ZNF778: variants seen among roughly 807,000 people sequenced by gnomAD.
ZNF778 encodes zinc finger protein 778.
In ZNF778, 37 loss-of-function variants were observed where a neutral mutation model predicts 23.9. That is an observed-to-expected ratio of 1.54 (90% CI 1.19 to 2.03). The LOEUF (loss-of-function observed/expected upper bound fraction) is 2.03. ZNF778 is among the 30% of genes most tolerant of loss of function. The pLI is 0.00. For synonymous variants in ZNF778, 483 were observed against 343.9 expected (o/e 1.40, Z -4.48); for missense variants, 1,297 against 934.4 (o/e 1.39, Z -5.06).
rs146830595 is a variant in ZNF778 at position 89,232,260 on chromosome 16, C to T, written c.*3698C>T. Reference sequence around the variant, plus strand: ...GTTGTGATAAAGCCAAGCCGTCCCTCGGGTTTGGCTCACTGCCCTTGACCT... The same window carrying T: ...GTTGTGATAAAGCCAAGCCGTCCCTTGGGTTTGGCTCACTGCCCTTGACCT... On this transcript the variant is annotated 3_prime_UTR_variant, in exon 7 of 7. Coordinates refer to ENST00000433976, the MANE Select transcript of ZNF778 (RefSeq NM_001201407.2). 13 of 185,858 alleles carry T rather than the reference C, an allele frequency of 7.0e-5. No individual in the cohort carries two copies. The highest frequency in any genetic ancestry group is 1.4e-4 in the African/African-American group (6 of 42,540). The allele number at this position is 185,858 out of a possible 1,614,324, so 11.5% of individuals were successfully genotyped here. A position where few individuals can be genotyped will look rare whatever the true frequency, so the allele number is the denominator to read the frequency against.
intron 1 of ZNF778, among the ~76,000 whole-genome samples, chr16:89,218,749 C>T (rs903763019): frequency 6.6e-6 from 1 of 151,862 alleles, no homozygotes; most frequent in Non-Finnish European, 1.5e-5. Context: ...CGAGATGGCG[C>T]CACTGCACTC....
At chr16:89,218,476 A>T (rs2151626479) in intron 1 of ZNF778, among the ~76,000 whole-genome samples, 1 of 152,372 alleles carries the variant, frequency 6.6e-6, no homozygotes, top group African/African-American at 2.4e-5. Context: ...CTGAAACCAC[A>T]ATATTAGTAT....
chr16:89,224,659 G>A (rs1158045505), intron 4 of ZNF778, 60 bp from the exon 5 acceptor site: 1 of 1,197,932 alleles, frequency 8.3e-7, no homozygotes, highest in Non-Finnish European at 1.2e-6. Flanking sequence ...CCTGTTCACG[G>A]GTAGGTTTGT....
rs2032110998 is a variant in ZNF778 at position 89,233,563 on chromosome 16, ACT to A, written c.*5003_*5004del. On this transcript the variant is annotated 3_prime_UTR_variant, in exon 7 of 7. Transcript: ENST00000433976. ...TGCAAATCAACTCACTGCATATGCA[ACT>A]CAGCTCGCACTGCATATGCAACGCA... 7.8e-7 allele frequency: 1 copy of A among 1,280,582 alleles called. No homozygotes were observed. The highest frequency in any genetic ancestry group is 1.6e-5 in the African/African-American group (1 of 63,780). The allele number at this position is 1,280,582 out of a possible 1,614,324, so 79.3% of individuals were successfully genotyped here.
Position 89,228,152 on chromosome 16 carries a change from T to C in ZNF778, c.1864T>C (p.Cys622Arg). The C allele has an allele frequency of 6.2e-7, 1 of 1,613,588 alleles. No homozygotes were observed. Among genetic ancestry groups the C allele is most frequent in the Non-Finnish European group, 8.5e-7 (1 of 1,179,678 alleles). ...TGEKPYECKV[C>R]GKAFTTSSHL... is the part of the protein sequence containing the mutation. ...AGAGAAACCTTATGAATGTAAAGTATGCGGAAAGGCCTTCACCACATCCTC... is the reference window on the plus strand; with the variant it reads ...AGAGAAACCTTATGAATGTAAAGTACGCGGAAAGGCCTTCACCACATCCTC... Residue 622 changes from cysteine (C) to arginine (R), a missense_variant, in exon 7 of 7, where the codon TGC becomes CGC. Transcript: ENST00000433976.
chr16:89,228,586 C>T lies in ZNF778; in HGVS notation c.*24C>T, dbSNP rs370170879. On this transcript the variant is annotated 3_prime_UTR_variant, in exon 7 of 7. Transcript: ENST00000433976. ...AATGTAAAGAATGTGGGGAAGCTGT[C>T]AGCTACACTCATTCACGTTGAAGAC... The T allele has an allele frequency of 4.3e-5, 66 of 1,543,358 alleles. No individual in the cohort carries two copies. In the African/African-American group the frequency reaches 7.9e-4, roughly 18 times the overall value.
In ZNF778 at chr16:89,228,918, A is replaced by G. The variant is rs956922769; in HGVS notation, c.*356A>G. ...TTGTTGGGAAGTCATTTTTTACATT[A>G]CATCTTTCCTCACCCTTTAGTAAAC... On this transcript the variant is annotated 3_prime_UTR_variant, in exon 7 of 7. Coordinates refer to ENST00000433976, the MANE Select transcript of ZNF778 (RefSeq NM_001201407.2). 9.9e-6 allele frequency: 10 copies of G among 1,013,576 alleles called. No homozygotes were observed. Among genetic ancestry groups the G allele is most frequent in the Non-Finnish European group, 1.2e-5 (10 of 848,278 alleles). The allele number at this position is 1,013,576 out of a possible 1,614,324, so 62.8% of individuals were successfully genotyped here. A position where few individuals can be genotyped will look rare whatever the true frequency, so the allele number is the denominator to read the frequency against.
At chr16:89,222,475 T>G (rs1016552497) in intron 3 of ZNF778, among the ~76,000 whole-genome samples, 2 of 152,204 alleles carry the variant, frequency 1.3e-5, no homozygotes, top group Admixed American at 1.3e-4. Context: ...GCAATTCTCC[T>G]GCCTCAGCCT....
chr16:89,227,806 A>T lies in ZNF778; in HGVS notation c.1518A>T (p.Glu506Asp). The change falls in exon 7 of 7, where the codon GAA becomes GAT. Residue 506 changes from glutamate (E) to aspartate (D), a missense_variant. Coordinates refer to ENST00000433976, the MANE Select transcript of ZNF778 (RefSeq NM_001201407.2). ...TCCATACCGGAGAGAAACCCTACGAATGTAAGCAGTGTGGCAAAGCCTTCA... is the reference window on the plus strand; with the variant it reads ...TCCATACCGGAGAGAAACCCTACGATTGTAAGCAGTGTGGCAAAGCCTTCA... ...ARIHTGEKPY[E>D]CKQCGKAFTG... 1 of 1,614,100 alleles carries T rather than the reference A, an allele frequency of 6.2e-7. No individual in the cohort carries two copies. The highest frequency in any genetic ancestry group is 8.5e-7 in the Non-Finnish European group (1 of 1,179,968).
In ZNF778 at chr16:89,230,027, A is replaced by C. The variant is rs1036071614; in HGVS notation, c.*1465A>C. On this transcript the variant is annotated 3_prime_UTR_variant, in exon 7 of 7. Coordinates refer to ENST00000433976, the MANE Select transcript of ZNF778 (RefSeq NM_001201407.2). ...GTGTAGGCTCTGGTTGGTTAGTCTT[A>C]AGTATCCAGATGGGATCCTGTATGA... 1.3e-5 allele frequency: 13 copies of C among 968,490 alleles called. No individual in the cohort carries two copies. In the African/African-American group the frequency reaches 2.2e-4, roughly 16 times the overall value. The allele number at this position is 968,490 out of a possible 1,614,324, so 60.0% of individuals were successfully genotyped here. A position where few individuals can be genotyped will look rare whatever the true frequency, so the allele number is the denominator to read the frequency against.
rs539736173 is a variant in ZNF778, at chr16:89,222,152, T to C, written c.86T>C (p.Met29Thr). The change falls in exon 3 of 7, where the codon ATG (methionine) becomes ACG (threonine). Residue 29 changes from methionine (M) to threonine (T), a missense_variant. Met to Thr is a moderately conservative substitution (Grantham distance 81). Coordinates refer to ENST00000433976, the MANE Select transcript of ZNF778 (RefSeq NM_001201407.2). The part of the protein sequence containing the change: ...LHEEQTQAAG[M>T]VAGWLINCYQ... ...GAAGAACAGACACAGGCAGCAGGGATGGTGGCTGGCTGGCTGATAAATTGT... is the reference window on the plus strand; with the variant it reads ...GAAGAACAGACACAGGCAGCAGGGACGGTGGCTGGCTGGCTGATAAATTGT... The C allele has an allele frequency of 1.4e-5, 22 of 1,606,268 alleles. No homozygotes were observed. The East Asian group carries it at 4.7e-4, about 34-fold the overall frequency.
chr16:89,235,764 C>T lies in ZNF778; in HGVS notation c.*7202C>T, dbSNP rs1002414714. 2 of 151,992 alleles carry T rather than the reference C, an allele frequency of 1.3e-5. No individual in the cohort carries two copies. Among genetic ancestry groups the T allele is most frequent in the African/African-American group, 4.8e-5 (2 of 41,360 alleles). 9.4% of individuals were successfully genotyped at this position (151,992 alleles called of 1,614,324 possible). A position where few individuals can be genotyped will look rare whatever the true frequency, so the allele number is the denominator to read the frequency against. ...AGGAGAAAGTGTGATGTAGTAAAAC[C>T]ACTTGAAAAAATAATGATGAAACAT... On this transcript the variant is annotated 3_prime_UTR_variant, in exon 7 of 7. Coordinates refer to ENST00000433976, the MANE Select transcript of ZNF778 (RefSeq NM_001201407.2).
intron 3 of ZNF778, among the ~76,000 whole-genome samples, chr16:89,222,746 G>C (rs181625389): frequency 6.6e-6 from 1 of 152,246 alleles, no homozygotes; most frequent in Non-Finnish European, 1.5e-5. Context: ...GTAAGGAAGG[G>C]GAAGGTATCC....
chr16:89,221,221 C>T, intron 2 of ZNF778, 69 bp downstream of exon 2: 5 of 1,501,554 alleles, frequency 3.3e-6, no homozygotes, highest in Non-Finnish European at 4.5e-6. Context: ...GTGTATCAGG[C>T]CCATGGACGG....
intron 6 of ZNF778, among the ~76,000 whole-genome samples, chr16:89,226,405 A>G (rs558391045): frequency 6.6e-6 from 1 of 152,154 alleles, no homozygotes; most frequent in Admixed American, 6.5e-5. Context: ...GGGTTTCTCC[A>G]TGTTGGTCAG....
intron 4 of ZNF778, 76 bp from the exon 5 acceptor site, chr16:89,224,643 G>A (rs1567501106): frequency 9.6e-7 from 1 of 1,042,458 alleles, no homozygotes. Flanking sequence ...AAAAGGAAAT[G>A]TAGTTCCTGT....
rs763317108 is a variant in ZNF778, at chr16:89,221,022, G to A, written c.-106G>A. ...GAAATAGGGATCCAGCCATCCGTGG[G>A]TCAGGAGGAATGGAGACTGTACCTT... is the stretch of plus-strand genomic sequence containing the variant. On this transcript the variant is annotated 5_prime_UTR_variant, in exon 2 of 7. Transcript: ENST00000433976. 114 of 1,284,428 alleles carry A rather than the reference G, an allele frequency of 8.9e-5. No homozygotes were observed. Among genetic ancestry groups the A allele is most frequent in the Non-Finnish European group, 1.2e-4 (109 of 912,872 alleles). The allele number at this position is 1,284,428 out of a possible 1,614,324, so 79.6% of individuals were successfully genotyped here. A position where few individuals can be genotyped will look rare whatever the true frequency, so the allele number is the denominator to read the frequency against.
chr16:89,228,959 T>G lies in ZNF778; in HGVS notation c.*397T>G. The G allele has an allele frequency of 1.0e-6, 1 of 1,003,614 alleles. No individual in the cohort carries two copies. Among genetic ancestry groups the G allele is most frequent in the South Asian group, 4.3e-5 (1 of 23,110 alleles). 62.2% of individuals were successfully genotyped at this position (1,003,614 alleles called of 1,614,324 possible). ...TTTAGTAAACGTGGTGATTGACACT[T>G]GAAGTGTTGTGAATGTATGGAAGAT... On this transcript the variant is annotated 3_prime_UTR_variant, in exon 7 of 7. Coordinates refer to ENST00000433976, the MANE Select transcript of ZNF778 (RefSeq NM_001201407.2).
chr16:89,234,021 G>A lies in ZNF778; in HGVS notation c.*5459G>A. ...CCTGCCTTTCCTGTGAAAACCCTGT[G>A]GCCTCTGCCTCCCCTGGCTCTGACT... On this transcript the variant is annotated 3_prime_UTR_variant, in exon 7 of 7. Coordinates refer to ENST00000433976, the MANE Select transcript of ZNF778 (RefSeq NM_001201407.2). The A allele has an allele frequency of 9.4e-7, 1 of 1,066,346 alleles. No individual in the cohort carries two copies. Among genetic ancestry groups the A allele is most frequent in the Non-Finnish European group, 1.3e-6 (1 of 784,994 alleles). The allele number at this position is 1,066,346 out of a possible 1,614,324, so 66.1% of individuals were successfully genotyped here. A position where few individuals can be genotyped will look rare whatever the true frequency, so the allele number is the denominator to read the frequency against.
Sources: gnomAD v4.1 joint callset for allele counts (sites outside exome capture counted in the v4.1 genomes callset) on GRCh38, gnomAD v4.1.1 for gene constraint, MANE v1.5 for transcripts, NCBI Gene and HGNC (gene_info 2026-07-23, HGNC 2026-07-21) for gene names.